ASIC2: variants seen among roughly 807,000 people sequenced by gnomAD.
The protein encoded by ASIC2 is acid-sensing ion channel 2.
In ASIC2, 25 loss-of-function variants were observed where a neutral mutation model predicts 57.3. The ratio of observed to expected loss-of-function variants is 0.44; its 90% CI spans 0.32 to 0.61. The LOEUF (loss-of-function observed/expected upper bound fraction) is 0.61, where lower values mean the gene tolerates loss of function less well. ASIC2 is among the 20% of genes least tolerant of loss of function. The pLI, the probability that ASIC2 is intolerant of heterozygous loss-of-function variation, is 0.06. For synonymous variants in ASIC2, 319 were observed against 307.5 expected, an observed-to-expected ratio of 1.04 and a Z score of -0.39; for missense variants, 641 against 738.1, an observed-to-expected ratio of 0.87 and a Z score of 1.52.
intron 1 of ASIC2, among the ~76,000 whole-genome samples, chr17:33,720,850 T>C (rs1441310617): frequency 6.6e-6 from 1 of 152,196 alleles, no homozygotes; most frequent in Non-Finnish European, 1.5e-5. Context: ...TAATTCATCA[T>C]ACTGCAGAAA....
chr17:33,135,137 A>T, intron 1 of ASIC2, among the ~76,000 whole-genome samples: 1 of 152,092 alleles, frequency 6.6e-6, no homozygotes, highest in East Asian at 1.9e-4. Flanking sequence ...GATGAAGTTC[A>T]TTCCGCTTAG....
At chr17:33,033,191 C>G (rs937596486) in intron 3 of ASIC2, among the ~76,000 whole-genome samples, 2 of 152,228 alleles carry the variant, frequency 1.3e-5, no homozygotes, top group African/African-American at 4.8e-5. Context: ...CCTGACCCTT[C>G]TGAGTTAAGA....
chr17:33,150,542 T>C (rs1904742349), intron 1 of ASIC2, among the ~76,000 whole-genome samples: 1 of 152,222 alleles, frequency 6.6e-6, no homozygotes, highest in Non-Finnish European at 1.5e-5. Context: ...CAATAAGTTC[T>C]TTTTTAAATC....
intron 1 of ASIC2, among the ~76,000 whole-genome samples, chr17:33,348,683 T>TG (rs1189634746): frequency 6.6e-6 from 1 of 151,936 alleles, no homozygotes; most frequent in East Asian, 1.9e-4. Flanking sequence ...TGGGATGTAG[T>TG]GGGGATCTCA....
At chr17:33,112,249 AT>A (rs2092261506) in intron 1 of ASIC2, 182 bp from the exon 2 acceptor site, 1 of 808,966 alleles carries the variant, frequency 1.2e-6, no homozygotes, top group Non-Finnish European at 1.8e-6. Flanking sequence ...ACCAAGTGAA[AT>A]TTTGGCATCA....
chr17:33,375,251 TGAAA>T (rs1378981575), intron 1 of ASIC2, among the ~76,000 whole-genome samples: 2 of 152,008 alleles, frequency 1.3e-5, no homozygotes, highest in Non-Finnish European at 2.9e-5. Context: ...AGCAGAGACC[TGAAA>T]GAAACAAGGA....
intron 1 of ASIC2, among the ~76,000 whole-genome samples, chr17:33,622,489 T>G (rs912093877): frequency 1.8e-4 from 28 of 152,190 alleles, no homozygotes; most frequent in African/African-American, 6.8e-4. Flanking sequence ...CAATCATATA[T>G]TAAGTCTAGT....
intron 1 of ASIC2, among the ~76,000 whole-genome samples, chr17:33,762,955 A>T (rs1211614972): frequency 6.6e-6 from 1 of 152,170 alleles, no homozygotes; most frequent in Admixed American, 6.5e-5. Context: ...GTTTTATTTA[A>T]GCTGGTAGAG....
intron 1 of ASIC2, among the ~76,000 whole-genome samples, chr17:33,145,959 C>T (rs552924406): frequency 1.4e-4 from 21 of 152,344 alleles, no homozygotes; most frequent in Non-Finnish European, 2.5e-4. Flanking sequence ...GAGACATGGC[C>T]AGTGGAGATC....
chr17:33,667,342 G>A (rs1402386461), intron 1 of ASIC2, among the ~76,000 whole-genome samples: 1 of 152,222 alleles, frequency 6.6e-6, no homozygotes, highest in Non-Finnish European at 1.5e-5. Flanking sequence ...GCGTGCACAT[G>A]TGCTTTGTGG....
intron 1 of ASIC2, among the ~76,000 whole-genome samples, chr17:33,534,875 G>A: frequency 6.6e-6 from 1 of 152,220 alleles, no homozygotes; most frequent in Non-Finnish European, 1.5e-5. Context: ...TGTGAGGGGG[G>A]CTTATCTGGA....
Position 33,101,232 on chromosome 17 carries a change from C to T in ASIC2, c.859+10685G>A, listed in dbSNP as rs180706081. ...AAACCATAGCAACCATCATCACCCACGCTTGTTCTGCCCCATTTGTAAAGG... is the reference window on the plus strand; with the variant it reads ...AAACCATAGCAACCATCATCACCCATGCTTGTTCTGCCCCATTTGTAAAGG... On this transcript the variant is annotated intron_variant, in intron 2 of 9. Coordinates refer to ENST00000225823, the MANE Select transcript of ASIC2 (RefSeq NM_183377.2). Among the ~76,000 whole-genome samples the T allele has an allele frequency of 2.2e-3, 330 of 152,324 alleles. 1 individual carries two copies. Among genetic ancestry groups the T allele is most frequent in the African/African-American group, 7.5e-3 (313 of 41,566 alleles).
intron 1 of ASIC2, among the ~76,000 whole-genome samples, chr17:33,844,051 A>G (rs953799841): frequency 2.0e-5 from 3 of 152,158 alleles, no homozygotes; most frequent in African/African-American, 7.2e-5. Flanking sequence ...AATCAGCACA[A>G]AGATGCAATC....
chr17:33,256,667 A>G (rs73281657), intron 1 of ASIC2, among the ~76,000 whole-genome samples: 3,870 of 152,254 alleles, frequency 0.025, 179 homozygotes, highest in African/African-American at 0.088. Flanking sequence ...CCCCATCTCT[A>G]CTAAAAATAC....
At chr17:33,743,740 T>G (rs1181493808) in intron 1 of ASIC2, among the ~76,000 whole-genome samples, 1 of 152,224 alleles carries the variant, frequency 6.6e-6, no homozygotes, top group Non-Finnish European at 1.5e-5. Context: ...ACTTGAACTA[T>G]AGCATCAGTT....
chr17:34,021,846 T>G (rs950291070), intron 1 of ASIC2, among the ~76,000 whole-genome samples: 23 of 148,246 alleles, frequency 1.6e-4, no homozygotes, highest in African/African-American at 5.2e-4. Context: ...TGTTTTTTTT[T>G]TTTTTTTTTG....
intron 1 of ASIC2, among the ~76,000 whole-genome samples, chr17:33,447,313 T>G (rs951491395): frequency 2.6e-5 from 4 of 152,168 alleles, no homozygotes; most frequent in African/African-American, 9.7e-5. Flanking sequence ...GTGGCAAGTG[T>G]GTCCCAGGTG....
At chr17:33,589,130 A>G (rs1035754589) in intron 1 of ASIC2, among the ~76,000 whole-genome samples, 2 of 152,190 alleles carry the variant, frequency 1.3e-5, no homozygotes, top group African/African-American at 4.8e-5. Context: ...ACAGTGTGCT[A>G]GGCACTTGGC....
At chr17:33,855,782 A>G (rs529507301) in intron 1 of ASIC2, among the ~76,000 whole-genome samples, 1 of 152,252 alleles carries the variant, frequency 6.6e-6, no homozygotes, top group East Asian at 1.9e-4. Context: ...AAAGATTGGG[A>G]TGATCCCCAC....
Sources: allele counts gnomAD v4.1 joint callset (sites outside exome capture counted in the v4.1 genomes callset), GRCh38; gene constraint gnomAD v4.1.1; transcripts MANE v1.5; gene names NCBI Gene and HGNC (gene_info 2026-07-23, HGNC 2026-07-21).